Variants in WDR19 observed in about 807,000 individuals in gnomAD.
The protein encoded by WDR19 is WD repeat-containing protein 19.
WDR19 carries 121 observed loss-of-function variants against 180.0 expected under a neutral mutation model. The observed-to-expected ratio is 0.67, with a 90% CI of 0.58 to 0.78. The LOEUF (loss-of-function observed/expected upper bound fraction) is 0.78. Ranked by LOEUF, WDR19 falls within the 30% of genes least tolerant of loss-of-function variation. The probability of loss-of-function intolerance (pLI) is 0.00; values close to 1 mark genes in which losing one functional copy is unlikely to be tolerated. For missense variants in WDR19, 1,450 were observed against 1,640.7 expected, an observed-to-expected ratio of 0.88 and a Z score of 2.01; for synonymous variants, 497 against 540.7, an observed-to-expected ratio of 0.92 and a Z score of 1.12.
chr4:39,277,266 C>T, intron 34 of WDR19, 123 bp downstream of exon 34: 2 of 1,098,224 alleles, frequency 1.8e-6, no homozygotes, highest in East Asian at 2.8e-5. Flanking sequence ...TTTCCTGCAA[C>T]ATCTAGCATT....
chr4:39,197,918 A>G (rs1220114541), intron 5 of WDR19, among the ~76,000 whole-genome samples: 1 of 152,198 alleles, frequency 6.6e-6, no homozygotes, highest in Non-Finnish European at 1.5e-5. Flanking sequence ...GGCGCACTGC[A>G]GCCTCAATCT....
At chr4:39,209,711 C>CAAA (rs71192833) in intron 9 of WDR19, among the ~76,000 whole-genome samples, 8 of 108,650 alleles carry the variant, frequency 7.4e-5, no homozygotes, top group Non-Finnish European at 1.1e-4. Flanking sequence ...GACTCTGTCT[C>CAAA]AAAAAAAAAA....
chr4:39,251,554 C>G (rs1303379028), intron 24 of WDR19, among the ~76,000 whole-genome samples: 1 of 151,952 alleles, frequency 6.6e-6, no homozygotes, highest in Non-Finnish European at 1.5e-5. Context: ...CAAAAGAAAC[C>G]AACATCAGAG....
chr4:39,215,089 A>C (rs981733464), intron 10 of WDR19, among the ~76,000 whole-genome samples: 2 of 151,936 alleles, frequency 1.3e-5, no homozygotes, highest in Non-Finnish European at 2.9e-5. Context: ...AAATTTTAAT[A>C]CTCTTCACTA....
intron 24 of WDR19, among the ~76,000 whole-genome samples, chr4:39,250,637 C>T (rs1401358523): frequency 1.3e-5 from 2 of 152,202 alleles, no homozygotes; most frequent in African/African-American, 4.8e-5. Context: ...TCTCCTTAAG[C>T]TGATAAGCAA....
intron 27 of WDR19, 117 bp from the exon 28 acceptor site, chr4:39,257,369 G>T: frequency 2.1e-6 from 2 of 947,122 alleles, no homozygotes; most frequent in Non-Finnish European, 3.2e-6. Context: ...GCCCCTGGTT[G>T]AGATGAAGAT....
chr4:39,252,786 G>A (rs1272282979), intron 24 of WDR19, among the ~76,000 whole-genome samples: 2 of 151,582 alleles, frequency 1.3e-5, no homozygotes, highest in African/African-American at 4.8e-5. Context: ...ATATATAAAG[G>A]TTTTATATAT....
rs762298152 is a variant in WDR19 at position 39,281,236 on chromosome 4, T to TATATAGAGAG, written c.*13+2574_*13+2575insTATAGAGAGA. Among the ~76,000 whole-genome samples the TATATAGAGAG allele has an allele frequency of 2.3e-4, 24 of 104,026 alleles. 1 individual carries two copies. The highest frequency in any genetic ancestry group is 9.3e-4 in the African/African-American group (18 of 19,342). The allele number at this position is 104,026 out of a possible 152,430, so 68.2% of individuals were successfully genotyped here. A position where few individuals can be genotyped will look rare whatever the true frequency, so the allele number is the denominator to read the frequency against. On this transcript the variant is annotated intron_variant, in intron 36 of 36. Coordinates refer to ENST00000399820, the MANE Select transcript of WDR19 (RefSeq NM_025132.4). Reference sequence around the variant, plus strand: ...GTGTGTATATATATATATATATATATAGAGAGAGAGAGAGAGAGAGAGAGA... The same window carrying TATATAGAGAG: ...GTGTGTATATATATATATATATATATATATAGAGAGAGAGAGAGAGAGAGAGAGAGAGAGA...
At chr4:39,270,351 A>C (rs1735230407) in intron 31 of WDR19, among the ~76,000 whole-genome samples, 1 of 152,106 alleles carries the variant, frequency 6.6e-6, no homozygotes, top group Non-Finnish European at 1.5e-5. Flanking sequence ...AGGCTTCATC[A>C]TGTGCATCTT....
intron 28 of WDR19, among the ~76,000 whole-genome samples, chr4:39,263,923 T>TA (rs11461352): frequency 0.88 from 123,558 of 140,522 alleles, 54,256 homozygotes; most frequent in South Asian, 0.9. Context: ...AAACTCCATC[T>TA]AAAAAAAAAA....
chr4:39,240,363 TA>T, intron 21 of WDR19, 29 bp downstream of exon 21: 1 of 1,301,120 alleles, frequency 7.7e-7, no homozygotes. Flanking sequence ...AAGATATGCC[TA>T]ATTATGTCTG....
chr4:39,215,978 C>G lies in WDR19; in HGVS notation c.1099C>G (p.Leu367Val), dbSNP rs1064797308. 1 of 1,610,938 alleles carries G rather than the reference C, an allele frequency of 6.2e-7. No homozygotes were observed. The highest frequency in any genetic ancestry group is 1.1e-5 in the South Asian group (1 of 90,306). Residue 367 changes from leucine to valine, a missense_variant, in exon 11 of 37, where the codon CTC (leucine) becomes GTC (valine). By Grantham distance (32) the Leu-to-Val change is conservative. Coordinates refer to ENST00000399820, the MANE Select transcript of WDR19 (RefSeq NM_025132.4). ...CACAAGGATTGCCTATCTCACCTCCCTCCTTGAAGTCACCGTAGCCAACCC... is the reference window on the plus strand; with the variant it reads ...CACAAGGATTGCCTATCTCACCTCCGTCCTTGAAGTCACCGTAGCCAACCC... ...CSTRIAYLTS[L>V]LEVTVANPVE...
At chr4:39,257,673 C>T (rs1002501055) in intron 28 of WDR19, 119 bp downstream of exon 28, 7 of 835,166 alleles carry the variant, frequency 8.4e-6, no homozygotes, top group South Asian at 1.8e-5. Context: ...ACATACCTAT[C>T]GTGTAACTTC....
intron 4 of WDR19, among the ~76,000 whole-genome samples, chr4:39,193,668 G>T (rs73238549): frequency 4.6e-5 from 7 of 152,154 alleles, no homozygotes; most frequent in Non-Finnish European, 7.4e-5. Context: ...TTACTCTTTT[G>T]TCCTTTTATC....
At chr4:39,263,628 A>T (rs1351824471) in intron 28 of WDR19, among the ~76,000 whole-genome samples, 1 of 152,156 alleles carries the variant, frequency 6.6e-6, no homozygotes, top group African/African-American at 2.4e-5. Context: ...TGCTGGTGAT[A>T]AAAGCAATAG....
intron 14 of WDR19, among the ~76,000 whole-genome samples, chr4:39,222,851 TAC>T (rs1729836824): frequency 6.6e-6 from 1 of 152,192 alleles, no homozygotes; most frequent in Admixed American, 6.5e-5. Flanking sequence ...TTGACATTGG[TAC>T]AGTCAACATA....
intron 4 of WDR19, among the ~76,000 whole-genome samples, chr4:39,190,155 A>C (rs186604630): frequency 6.6e-6 from 1 of 152,336 alleles, no homozygotes; most frequent in Admixed American, 6.5e-5. Flanking sequence ...ATTCTAAATC[A>C]GATTCTCACC....
intron 4 of WDR19, among the ~76,000 whole-genome samples, chr4:39,190,877 A>AAGTTTAAT (rs1726082349): frequency 6.6e-6 from 1 of 152,238 alleles, no homozygotes; most frequent in Admixed American, 6.5e-5. Flanking sequence ...ATTCAAGGGA[A>AAGTTTAAT]AGTTTAATAA....
At chr4:39,279,182 C>G (rs763768534) in intron 36 of WDR19, among the ~76,000 whole-genome samples, 1 of 152,188 alleles carries the variant, frequency 6.6e-6, no homozygotes, top group Non-Finnish European at 1.5e-5. Context: ...ATTGAGAAGC[C>G]AAAAGCCGTG....
Sources: gnomAD v4.1 joint callset for allele counts (sites outside exome capture counted in the v4.1 genomes callset) on GRCh38, gnomAD v4.1.1 for gene constraint, MANE v1.5 for transcripts, NCBI Gene and HGNC (gene_info 2026-07-23, HGNC 2026-07-21) for gene names.